MAST4: variants seen among roughly 807,000 people sequenced by gnomAD.
The protein encoded by MAST4 is microtubule-associated serine/threonine-protein kinase 4.
A neutral mutation model predicts 162.7 loss-of-function variants in MAST4; 89 were observed. The ratio of observed to expected loss-of-function variants is 0.55; its 90% CI spans 0.46 to 0.65. The LOEUF is 0.65. Among genes scored for constraint, MAST4 ranks in the 30% least tolerant of loss-of-function variants. The pLI is 0.00. For synonymous variants in MAST4, 1,479 were observed against 1,361.1 expected (o/e 1.09, Z -1.91); for missense variants, 3,153 against 3,374.0 (o/e 0.93, Z 1.62).
intron 5 of MAST4, among the ~76,000 whole-genome samples, chr5:67,074,974 A>AAACAGTTT (rs1159593606): frequency 7.2e-5 from 11 of 152,238 alleles, no homozygotes; most frequent in African/African-American, 2.6e-4. Flanking sequence ...TAAAACAGTT[A>AAACAGTTT]AACAGTTTTA....
At chr5:66,736,963 T>G (rs1752192361) in intron 1 of MAST4, among the ~76,000 whole-genome samples, 1 of 152,234 alleles carries the variant, frequency 6.6e-6, no homozygotes, top group Non-Finnish European at 1.5e-5. Context: ...TGGTATATAG[T>G]CCATTCTGTA....
At position 66,943,721 on chromosome 5, in the gene MAST4, C is replaced by T. The variant is rs535195789; in HGVS notation, c.674+43739C>T. Among the ~76,000 whole-genome samples the T allele has an allele frequency of 2.2e-4, 33 of 151,234 alleles. 1 individual carries two copies. The South Asian group carries it at 6.9e-3, about 31-fold the overall frequency. ...TTCAGGAACACTAGGATATCAATTA[C>T]AGTGCTGGGAAATGTGTGTTCAGCG... On this transcript the variant is annotated intron_variant, in intron 4 of 28. Transcript: ENST00000403625.
At chr5:66,933,675 A>T (rs752033473) in intron 4 of MAST4, among the ~76,000 whole-genome samples, 4 of 152,116 alleles carry the variant, frequency 2.6e-5, no homozygotes, top group Non-Finnish European at 4.4e-5. Context: ...GGAGTACCTA[A>T]TGGCAAAGTG....
At chr5:66,936,451 A>G (rs997912660) in intron 4 of MAST4, among the ~76,000 whole-genome samples, 1 of 152,220 alleles carries the variant, frequency 6.6e-6, no homozygotes, top group Non-Finnish European at 1.5e-5. Context: ...CTAAGTCCGA[A>G]AAGAGAGTCA....
chr5:66,832,261 T>C (rs1303905047), intron 3 of MAST4, among the ~76,000 whole-genome samples: 1 of 152,070 alleles, frequency 6.6e-6, no homozygotes, highest in Non-Finnish European at 1.5e-5. Flanking sequence ...CACGTGCAGC[T>C]AGAATGTGAA....
chr5:66,683,047 A>G (rs752242542), intron 1 of MAST4, among the ~76,000 whole-genome samples: 16 of 152,164 alleles, frequency 1.1e-4, no homozygotes, highest in Non-Finnish European at 1.9e-4. Context: ...GAGCAGTCCT[A>G]CACCCAGGGC....
At chr5:66,979,917 A>G (rs542352162) in intron 4 of MAST4, among the ~76,000 whole-genome samples, 2 of 152,232 alleles carry the variant, frequency 1.3e-5, no homozygotes, top group Non-Finnish European at 2.9e-5. Flanking sequence ...GACAGTTGTT[A>G]TGGATCTGAC....
chr5:66,943,810 G>A (rs1436164934), intron 4 of MAST4, among the ~76,000 whole-genome samples: 1 of 152,110 alleles, frequency 6.6e-6, no homozygotes, highest in East Asian at 1.9e-4. Flanking sequence ...CACTTGATGA[G>A]CATGCCTTTT....
chr5:66,606,387 T>A (rs1431236251), intron 1 of MAST4, among the ~76,000 whole-genome samples: 2 of 152,228 alleles, frequency 1.3e-5, no homozygotes, highest in Admixed American at 1.3e-4. Context: ...TAATTGGACA[T>A]CTTGTAATGC....
Position 66,635,946 on chromosome 5 carries a change from G to GTTTTTTTTTT in MAST4, c.363+38948_363+38957dup, listed in dbSNP as rs530576186. 5.3e-4 allele frequency among the ~76,000 whole-genome samples: 22 copies of GTTTTTTTTTT among 41,302 alleles called. 6 individuals carry two copies. Among genetic ancestry groups the GTTTTTTTTTT allele is most frequent in the African/African-American group, 1.7e-3 (21 of 12,284 alleles). 27.1% of individuals were successfully genotyped at this position (41,302 alleles called of 152,430 possible). A position where few individuals can be genotyped will look rare whatever the true frequency, so the allele number is the denominator to read the frequency against. On this transcript the variant is annotated intron_variant, in intron 1 of 28. Transcript: ENST00000403625. Reference sequence around the variant, plus strand: ...AAAATCACTGCATAAGATAGAGACTGTTTTTTTTTTTTTTTTTTTTTTTTT... The same window carrying GTTTTTTTTTT: ...AAAATCACTGCATAAGATAGAGACTGTTTTTTTTTTTTTTTTTTTTTTTTTTTTTTTTTTT...
intron 5 of MAST4, among the ~76,000 whole-genome samples, chr5:67,073,317 A>G (rs1761195022): frequency 6.6e-6 from 1 of 152,208 alleles, no homozygotes; most frequent in Admixed American, 6.5e-5. Context: ...TTTCTTTGGC[A>G]GGTCTTCTTA....
rs759063612 is a variant in MAST4, at chr5:67,163,557, C to T, written c.4378C>T (p.His1460Tyr). ...LSPSYGSDKK[H>Y]LCSRKHSLEV... ...GCCCTCTTACGGCAGTGACAAGAAG[C>T]ACCTGTGCTCCCGCAAGCACAGCCT... The change falls in exon 29 of 29, where the codon CAC becomes TAC. Residue 1460 changes from histidine (H) to tyrosine (Y), a missense_variant. His to Tyr is a moderately conservative substitution (Grantham distance 83, BLOSUM62 2). Around this residue, in one of 7 missense-constraint regions of MAST4, gnomAD observed 619 missense variants for 744.2 expected, o/e 0.83. Coordinates refer to ENST00000403625, the MANE Select transcript of MAST4 (RefSeq NM_001164664.2). The surrounding 1 kb of genome is among the most constrained non-coding windows in gnomAD (Gnocchi z 7.0). 1.3e-6 allele frequency: 2 copies of T among 1,596,456 alleles called. No homozygotes were observed. Among genetic ancestry groups the T allele is most frequent in the Non-Finnish European group, 1.7e-6 (2 of 1,172,078 alleles).
Position 67,163,461 on chromosome 5 carries a change from G to C in MAST4, c.4282G>C (p.Val1428Leu). 6.2e-7 allele frequency: 1 copy of C among 1,613,448 alleles called. No individual in the cohort carries two copies. The change falls in exon 29 of 29, where the codon GTG (valine) becomes CTG (leucine). Residue 1428 changes from valine to leucine, a missense_variant. Transcript: ENST00000403625. The surrounding 1 kb of genome is among the most constrained non-coding windows in gnomAD (Gnocchi z 7.0). ...HSPPTIVRHI[V>L]RPKSAEPPRS... ...CCCGCCCACCATCGTCAGACACATC[G>C]TGAGGCCCAAGAGTGCGGAGCCCCC...
chr5:67,090,487 C>G (rs1470726487), intron 6 of MAST4, among the ~76,000 whole-genome samples: 1 of 134,092 alleles, frequency 7.5e-6, no homozygotes, highest in East Asian at 2.3e-4. Flanking sequence ...CTGCTCCATG[C>G]CTTGTGAGGT....
At chr5:66,743,438 C>T (rs1580343403) in intron 1 of MAST4, among the ~76,000 whole-genome samples, 1 of 152,302 alleles carries the variant, frequency 6.6e-6, no homozygotes, top group South Asian at 2.1e-4. Context: ...AGTGCTATTA[C>T]CCAAAGTTTT....
At chr5:66,739,385 G>A (rs923828154) in intron 1 of MAST4, among the ~76,000 whole-genome samples, 19 of 152,180 alleles carry the variant, frequency 1.2e-4, no homozygotes, top group Non-Finnish European at 1.5e-5. Context: ...GAGAAAAAGA[G>A]GAGATGAGTA....
chr5:67,091,136 A>G (rs1763824270), intron 6 of MAST4, among the ~76,000 whole-genome samples: 1 of 152,232 alleles, frequency 6.6e-6, no homozygotes, highest in African/African-American at 2.4e-5. Context: ...GTAGGTTAAA[A>G]AAAAATACTT....
chr5:66,778,241 A>G (rs909367949), intron 2 of MAST4, among the ~76,000 whole-genome samples: 20 of 152,222 alleles, frequency 1.3e-4, no homozygotes, highest in African/African-American at 4.3e-4. Flanking sequence ...GGTCTCTGCA[A>G]CTGGAGTTTG....
chr5:66,667,816 G>T (rs554805625), intron 1 of MAST4, among the ~76,000 whole-genome samples: 40 of 152,250 alleles, frequency 2.6e-4, no homozygotes, highest in Middle Eastern at 6.8e-3. Context: ...TCAGCAAGTG[G>T]TGAAGAAATC....
Sources: allele counts gnomAD v4.1 joint callset (sites outside exome capture counted in the v4.1 genomes callset), GRCh38; gene constraint gnomAD v4.1.1; regional missense constraint gnomAD v4.1.1; non-coding constraint Gnocchi (gnomAD v3.1); transcripts MANE v1.5; gene names NCBI Gene and HGNC (gene_info 2026-07-23, HGNC 2026-07-21).